Variants in CEP104 observed in about 807,000 individuals in gnomAD.
The protein encoded by CEP104 is centrosomal protein of 104 kDa.
CEP104 carries 84 observed loss-of-function variants against 113.3 expected under a neutral mutation model. That is an observed-to-expected ratio of 0.74 (90% CI 0.62 to 0.89). The LOEUF (loss-of-function observed/expected upper bound fraction) is 0.89. CEP104 is among the 40% of genes least tolerant of loss of function. The pLI, the probability that CEP104 is intolerant of heterozygous loss-of-function variation, is 0.00. For synonymous variants in CEP104, 378 were observed against 421.7 expected (o/e 0.90, Z 1.27); for missense variants, 1,053 against 1,156.6 (o/e 0.91, Z 1.30).
chr1:3,849,216 AGCCTAT>A (rs1226957379), intron 2 of CEP104, among the ~76,000 whole-genome samples: 1 of 151,756 alleles, frequency 6.6e-6, no homozygotes, highest in Admixed American at 6.6e-5. Flanking sequence ...TAGGGAGACA[AGCCTAT>A]GCTATGGGCC....
In CEP104 at chr1:3,829,228, C is replaced by T. The variant is rs1415032373; in HGVS notation, c.2151+38G>A. The T allele has an allele frequency of 2.2e-6, 3 of 1,394,088 alleles. No individual in the cohort carries two copies. In the South Asian group the frequency reaches 4.1e-5, roughly 19 times the overall value. The allele number at this position is 1,394,088 out of a possible 1,614,324, so 86.4% of individuals were successfully genotyped here. ...ATCTATACAGCAAAATACATTTCAG[C>T]TAAAAGCACACAGGTGAAAGACGTG... On this transcript the variant is annotated intron_variant, in intron 15 of 21. Transcript: ENST00000378230.
intron 20 of CEP104, among the ~76,000 whole-genome samples, chr1:3,818,126 TG>T (rs766231275): frequency 6.6e-6 from 1 of 152,218 alleles, no homozygotes; most frequent in Non-Finnish European, 1.5e-5. Flanking sequence ...GGCTGTGCTC[TG>T]GGGCCTCCAG....
chr1:3,845,151 TA>T, intron 5 of CEP104, 137 bp downstream of exon 5: 1 of 839,020 alleles, frequency 1.2e-6, no homozygotes, highest in Non-Finnish European at 1.9e-6. Context: ...CTACAGCTCC[TA>T]AAAATCATCT....
chr1:3,848,457 G>A (rs996007148), intron 3 of CEP104, 151 bp downstream of exon 3: 28 of 603,340 alleles, frequency 4.6e-5, no homozygotes, highest in Middle Eastern at 9.0e-4. Flanking sequence ...GCGTGAACCC[G>A]GGAGGCAGAG....
chr1:3,825,650 C>T (rs1186723455), intron 18 of CEP104, 108 bp downstream of exon 18: 6 of 735,296 alleles, frequency 8.2e-6, no homozygotes, highest in Non-Finnish European at 1.4e-5. Context: ...TTTCTCGCAA[C>T]CTCTCCTCTG....
chr1:3,817,181 T>A (rs938529933), intron 20 of CEP104, among the ~76,000 whole-genome samples: 5 of 152,018 alleles, frequency 3.3e-5, no homozygotes, highest in African/African-American at 1.2e-4. Context: ...AAACACAAAA[T>A]TAGCTGGGTG....
At chr1:3,851,132 C>T (rs3765780) in intron 2 of CEP104, among the ~76,000 whole-genome samples, 99,137 of 151,754 alleles carry the variant, frequency 0.65, 32,697 homozygotes, top group Middle Eastern at 0.73. Flanking sequence ...GCATCGGCCA[C>T]GGCCTGGGCA....
At chr1:3,850,395 C>CA (rs1644588166) in intron 2 of CEP104, among the ~76,000 whole-genome samples, 2 of 151,992 alleles carry the variant, frequency 1.3e-5, no homozygotes, top group African/African-American at 4.8e-5. Context: ...ATTTGACAAC[C>CA]AAAAAAATGG....
intron 2 of CEP104, among the ~76,000 whole-genome samples, chr1:3,851,708 A>G (rs1644614293): frequency 6.6e-6 from 1 of 152,224 alleles, no homozygotes. Flanking sequence ...GCTGGAGTGC[A>G]TGGCTATCAC....
At chr1:3,818,652 T>A (rs374008653) in intron 20 of CEP104, among the ~76,000 whole-genome samples, 6 of 152,238 alleles carry the variant, frequency 3.9e-5, no homozygotes, top group African/African-American at 1.4e-4. Flanking sequence ...TGAAGAATAA[T>A]GGTCAATGAT....
chr1:3,836,612 C>T lies in CEP104; in HGVS notation c.1200G>A (p.Met400Ile). ...GAGCATCGCTGATGTCTGCATTACT[C>T]ATTTCCGGCTCCACCACTGCCTCCC... ...HYGEAVVEPE[M>I]SNADISDARR... is the part of the protein sequence containing the mutation. The change falls in exon 10 of 22, where the codon ATG (methionine) becomes ATA (isoleucine). Residue 400 changes from methionine (M) to isoleucine (I), a missense_variant. Met to Ile is a conservative substitution (Grantham distance 10, BLOSUM62 1). Coordinates refer to ENST00000378230, the MANE Select transcript of CEP104 (RefSeq NM_014704.4). 1 of 1,613,430 alleles carries T rather than the reference C, an allele frequency of 6.2e-7. No individual in the cohort carries two copies. Among genetic ancestry groups the T allele is most frequent in the African/African-American group, 1.3e-5 (1 of 74,820 alleles).
intron 8 of CEP104, among the ~76,000 whole-genome samples, chr1:3,837,967 C>T (rs1463917488): frequency 6.6e-6 from 1 of 152,222 alleles, no homozygotes; most frequent in Non-Finnish European, 1.5e-5. Flanking sequence ...GCTGACTGAC[C>T]AGTTGCTGCA....
intron 10 of CEP104, among the ~76,000 whole-genome samples, chr1:3,836,113 A>T (rs1169796089): frequency 2.0e-5 from 3 of 152,112 alleles, no homozygotes; most frequent in Admixed American, 6.6e-5. Flanking sequence ...CATCCTGGCT[A>T]ACGTGGTGAA....
chr1:3,831,171 G>C lies in CEP104; in HGVS notation c.1711C>G (p.Leu571Val). ...GAGTTTGCTTTCAATGGCTGCACCA[G>C]GTAGGATGGAATAATTTGGAGAGAC... is the stretch of plus-strand genomic sequence containing the variant. Reference protein sequence around the residue: ...VKSLQIIPSYLVQPLKANSSV... With the variant: ...VKSLQIIPSYVVQPLKANSSV... Residue 571 changes from leucine (L) to valine (V), a missense_variant, in exon 13 of 22, where the codon CTG (leucine) becomes GTG (valine). Coordinates refer to ENST00000378230, the MANE Select transcript of CEP104 (RefSeq NM_014704.4). 1 of 1,614,224 alleles carries C rather than the reference G, an allele frequency of 6.2e-7. No homozygotes were observed. The highest frequency in any genetic ancestry group is 8.5e-7 in the Non-Finnish European group (1 of 1,180,014).
chr1:3,825,191 T>C (rs936463343), intron 18 of CEP104, among the ~76,000 whole-genome samples: 2 of 152,004 alleles, frequency 1.3e-5, no homozygotes, highest in African/African-American at 2.4e-5. Context: ...CTGCTGGCAG[T>C]GGTGCCCAGG....
chr1:3,853,653 G>T (rs1644658406), intron 1 of CEP104, among the ~76,000 whole-genome samples: 4 of 152,064 alleles, frequency 2.6e-5, no homozygotes, highest in African/African-American at 9.7e-5. Context: ...AATGTTTCTT[G>T]GAATGTATGA....
chr1:3,814,096 T>C lies in CEP104; in HGVS notation c.*1306A>G, dbSNP rs2124626006. The stretch of plus-strand genomic sequence containing the variant: ...AAAACATATTTATACACTAATTGCA[T>C]TAATGCAAACTCCATCAACCCAAAC... On this transcript the variant is annotated 3_prime_UTR_variant, in exon 22 of 22. Coordinates refer to ENST00000378230, the MANE Select transcript of CEP104 (RefSeq NM_014704.4). 6.6e-6 allele frequency: 1 copy of C among 152,364 alleles called. No individual in the cohort carries two copies. The highest frequency in any genetic ancestry group is 3.4e-3 in the Middle Eastern group (1 of 294). 9.4% of individuals were successfully genotyped at this position (152,364 alleles called of 1,614,324 possible).
intron 4 of CEP104, among the ~76,000 whole-genome samples, chr1:3,846,349 A>G (rs1037985397): frequency 6.6e-6 from 1 of 152,192 alleles, no homozygotes; most frequent in Non-Finnish European, 1.5e-5. Flanking sequence ...CAAAGGTTCA[A>G]GACAGGCACA....
intron 1 of CEP104, 68 bp from the exon 2 acceptor site, chr1:3,852,489 G>C (rs2124700544): frequency 7.0e-7 from 1 of 1,433,226 alleles, no homozygotes; most frequent in Non-Finnish European, 9.4e-7. Flanking sequence ...CATTTAAAGG[G>C]TTGGTTCATG....
Sources: allele counts gnomAD v4.1 joint callset (sites outside exome capture counted in the v4.1 genomes callset), GRCh38; gene constraint gnomAD v4.1.1; transcripts MANE v1.5; gene names NCBI Gene and HGNC (gene_info 2026-07-23, HGNC 2026-07-21).